The following MYOCOS variants were observed in gnomAD, a reference collection of about 807,000 sequenced individuals.
MYOCOS encodes the protein myocilin opposite strand protein.
intron 2 of MYOCOS, among the ~76,000 whole-genome samples, chr1:171,624,529 C>T (rs1410263399): frequency 2.0e-5 from 3 of 151,934 alleles, no homozygotes; most frequent in Admixed American, 6.6e-5. Flanking sequence ...CTCCGCCTCC[C>T]GGGTTCACGG....
chr1:171,607,868 A>C (rs2102933107), intron 1 of MYOCOS, among the ~76,000 whole-genome samples: 1 of 152,354 alleles, frequency 6.6e-6, no homozygotes, highest in East Asian at 1.9e-4. Context: ...GACATACCCA[A>C]GACTGGGTAA....
intron 1 of MYOCOS, among the ~76,000 whole-genome samples, chr1:171,614,240 T>C (rs1047089050): frequency 1.3e-5 from 2 of 152,230 alleles, no homozygotes; most frequent in Non-Finnish European, 2.9e-5. Context: ...CTCTATCCCC[T>C]ACTGATACAA....
upstream of MYOCOS, among the ~76,000 whole-genome samples, chr1:171,620,924 C>A (rs1652554081): frequency 6.6e-6 from 1 of 151,932 alleles, no homozygotes; most frequent in Admixed American, 6.6e-5. Flanking sequence ...CGAGTGCCAC[C>A]ACGCCGGGCT....
At chr1:171,618,018 C>T (rs1238058600), upstream of MYOCOS, among the ~76,000 whole-genome samples, 4 of 152,098 alleles carry the variant, frequency 2.6e-5, no homozygotes, top group African/African-American at 9.7e-5. Flanking sequence ...CTTCCATTGT[C>T]CTCAGCTAAG....
intron 1 of MYOCOS, among the ~76,000 whole-genome samples, chr1:171,612,045 G>A (rs1652360579): frequency 6.6e-6 from 1 of 152,060 alleles, no homozygotes; most frequent in Non-Finnish European, 1.5e-5. Context: ...GAGAACTGCT[G>A]GCCCTGTACC....
intron 1 of MYOCOS, among the ~76,000 whole-genome samples, chr1:171,613,394 G>A (rs1360324016): frequency 6.6e-6 from 1 of 152,182 alleles, no homozygotes. Context: ...CAACAGAGAG[G>A]ACCAAACCAT....
chr1:171,607,093 C>CAAAA (rs35353881), intron 1 of MYOCOS, among the ~76,000 whole-genome samples: 20 of 66,568 alleles, frequency 3.0e-4, no homozygotes, highest in Non-Finnish European at 4.2e-4. Flanking sequence ...GACTCTGTCT[C>CAAAA]AAAAAAAAAA....
chr1:171,614,914 G>C (rs895565383), exon 2 of MYOCOS: 1 of 152,260 alleles, frequency 6.6e-6, no homozygotes, highest in African/African-American at 2.4e-5. Flanking sequence ...AGAGGTCTGA[G>C]CAAATGCAAA....
intron 1 of MYOCOS, 113 bp from the exon 2 acceptor site, chr1:171,623,728 C>T: frequency 5.0e-6 from 2 of 396,602 alleles, no homozygotes; most frequent in Non-Finnish European, 4.4e-6. Context: ...TAGGGAGGAC[C>T]AACTGAGAGT....
intron 1 of MYOCOS, among the ~76,000 whole-genome samples, chr1:171,608,878 G>A (rs765964254): frequency 4.6e-5 from 7 of 152,144 alleles, no homozygotes; most frequent in Non-Finnish European, 8.8e-5. Context: ...CAGCAGCTGG[G>A]GAAATGAGTC....
intron 1 of MYOCOS, among the ~76,000 whole-genome samples, chr1:171,612,761 C>T (rs975824817): frequency 1.3e-5 from 2 of 152,014 alleles, no homozygotes; most frequent in Admixed American, 6.6e-5. Context: ...ACCTGGGAGG[C>T]GGAGGTTGCA....
intron 1 of MYOCOS, among the ~76,000 whole-genome samples, chr1:171,602,265 AT>A (rs1331561013): frequency 6.6e-6 from 1 of 152,162 alleles, no homozygotes; most frequent in African/African-American, 2.4e-5. Flanking sequence ...TATGCAAAAA[AT>A]GTTGTATAAT....
chr1:171,608,962 G>C (rs974609474), intron 1 of MYOCOS, among the ~76,000 whole-genome samples: 1 of 152,176 alleles, frequency 6.6e-6, no homozygotes, highest in African/African-American at 2.4e-5. Flanking sequence ...TCAGTGATAA[G>C]CTCTGGAAAT....
Position 171,624,694 on chromosome 1 carries a change from G to A in MYOCOS, c.95+716G>A, listed in dbSNP as rs187252079. Among the ~76,000 whole-genome samples, 626 of 152,052 alleles carry A rather than the reference G, an allele frequency of 4.1e-3. 6 individuals are homozygous for A. Among genetic ancestry groups the A allele is most frequent in the Non-Finnish European group, 7.0e-3 (477 of 67,976 alleles). Reference sequence around the variant, plus strand: ...AATCTCCTGACCTTGTGATCTGCCCGCCTCGGCCTCCCAAAGTGCTGGGAT... The same window carrying A: ...AATCTCCTGACCTTGTGATCTGCCCACCTCGGCCTCCCAAAGTGCTGGGAT... On this transcript the variant is annotated intron_variant, in intron 2 of 2. Transcript: ENST00000637642.
At chr1:171,601,523 C>T (rs1487815589) in intron 1 of MYOCOS, among the ~76,000 whole-genome samples, 1 of 151,366 alleles carries the variant, frequency 6.6e-6, no homozygotes, top group Non-Finnish European at 1.5e-5. Flanking sequence ...GTAAGCCCAC[C>T]CCACTGGGAA....
intron 1 of MYOCOS, among the ~76,000 whole-genome samples, chr1:171,611,337 CT>C (rs1347742204): frequency 6.6e-6 from 1 of 152,108 alleles, no homozygotes; most frequent in African/African-American, 2.4e-5. Flanking sequence ...CCCTTAGGCC[CT>C]ACTTGTGCAC....
At chr1:171,613,138 G>A (rs1652384187) in intron 1 of MYOCOS, among the ~76,000 whole-genome samples, 1 of 152,084 alleles carries the variant, frequency 6.6e-6, no homozygotes, top group Non-Finnish European at 1.5e-5. Context: ...ATGGTTCCTT[G>A]ACTAAATGTC....
intron 2 of MYOCOS, among the ~76,000 whole-genome samples, chr1:171,615,397 A>G (rs1652428726): frequency 6.6e-6 from 1 of 152,158 alleles, no homozygotes. Flanking sequence ...TAAGACAAAG[A>G]TGACTTCTAG....
intron 1 of MYOCOS, among the ~76,000 whole-genome samples, chr1:171,614,177 A>T (rs1381380320): frequency 6.6e-6 from 1 of 152,234 alleles, no homozygotes; most frequent in Non-Finnish European, 1.5e-5. Context: ...GCCAGTTATG[A>T]GGTCCACATT....
Sources: gnomAD v4.1 joint callset for allele counts (sites outside exome capture counted in the v4.1 genomes callset) on GRCh38, gnomAD v4.1.1 for gene constraint, MANE v1.5 for transcripts, NCBI Gene and HGNC (gene_info 2026-07-23, HGNC 2026-07-21) for gene names.